The following GRIN2A variants were observed in gnomAD, a reference collection of about 807,000 sequenced individuals.
GRIN2A encodes the protein glutamate ionotropic receptor NMDA type subunit 2A.
In GRIN2A, 22 loss-of-function variants were observed where a neutral mutation model predicts 113.4. The ratio of observed to expected loss-of-function variants is 0.19; its 90% confidence interval spans 0.14 to 0.28. The LOEUF (loss-of-function observed/expected upper bound fraction) is 0.28. Among genes scored for constraint, GRIN2A ranks in the 10% least tolerant of loss-of-function variants. The pLI is 1.00. For synonymous variants in GRIN2A, 827 were observed against 738.4 expected (o/e 1.12, Z -1.94); for missense variants, 1,502 against 1,887.0 (o/e 0.80, Z 3.78).
chr16:9,867,766 C>T (rs79810256), intron 4 of GRIN2A, among the ~76,000 whole-genome samples: 6,914 of 152,186 alleles, frequency 0.045, 207 homozygotes, highest in African/African-American at 0.088. Context: ...CAAGCTTCTC[C>T]TTCTCTGAAC....
chr16:9,809,871 C>G (rs1211064818), intron 10 of GRIN2A, among the ~76,000 whole-genome samples: 1 of 152,124 alleles, frequency 6.6e-6, no homozygotes, highest in East Asian at 1.9e-4. Flanking sequence ...AGTTCGAGAC[C>G]AGTCTGGCCA....
At chr16:9,903,823 T>G (rs184805648) in intron 3 of GRIN2A, among the ~76,000 whole-genome samples, 2 of 152,348 alleles carry the variant, frequency 1.3e-5, no homozygotes, top group South Asian at 2.1e-4. Context: ...GAAGACCCTT[T>G]ACTACCATTT....
intron 2 of GRIN2A, among the ~76,000 whole-genome samples, chr16:10,009,618 C>G (rs1477105978): frequency 5.9e-5 from 9 of 152,252 alleles, no homozygotes; most frequent in Middle Eastern, 6.8e-3. Flanking sequence ...CTGAGCTCAC[C>G]TGGGCACCCA....
chr16:9,983,345 G>A (rs72772175), intron 2 of GRIN2A, among the ~76,000 whole-genome samples: 14,323 of 152,048 alleles, frequency 0.094, 805 homozygotes, highest in African/African-American at 0.11. Context: ...GTGAAAACAC[G>A]TGATATTTGG....
chr16:9,976,281 G>A (rs2045772018), intron 2 of GRIN2A, among the ~76,000 whole-genome samples: 1 of 152,108 alleles, frequency 6.6e-6, no homozygotes. Flanking sequence ...TTTAACTGGG[G>A]CTGTGTACCA....
At chr16:9,984,743 A>G (rs2045950144) in intron 2 of GRIN2A, among the ~76,000 whole-genome samples, 1 of 152,096 alleles carries the variant, frequency 6.6e-6, no homozygotes, top group Admixed American at 6.5e-5. Context: ...ACCACATGGG[A>G]TTTATAGTTG....
chr16:9,848,767 C>T (rs559398002), intron 5 of GRIN2A, among the ~76,000 whole-genome samples: 8 of 110,228 alleles, frequency 7.3e-5, no homozygotes, highest in African/African-American at 2.8e-4. Context: ...ATATAAAATA[C>T]ACTGTTTTAT....
intron 3 of GRIN2A, among the ~76,000 whole-genome samples, chr16:9,895,932 A>G (rs2043796495): frequency 6.6e-6 from 1 of 152,186 alleles, no homozygotes; most frequent in African/African-American, 2.4e-5. Flanking sequence ...GGAAATATCC[A>G]GTTTGTTATC....
At chr16:9,812,366 C>T (rs774500354) in intron 10 of GRIN2A, among the ~76,000 whole-genome samples, 19 of 152,282 alleles carry the variant, frequency 1.2e-4, no homozygotes, top group Admixed American at 5.2e-4. Context: ...AAGCCGGTCA[C>T]GGTAACTCAC....
chr16:10,145,004 AAAAAAAG>A (rs2049409756), intron 2 of GRIN2A, among the ~76,000 whole-genome samples: 1 of 151,944 alleles, frequency 6.6e-6, no homozygotes, highest in African/African-American at 2.4e-5. Flanking sequence ...CAACCTAAAA[AAAAAAAG>A]AAAAAAAAGT....
chr16:9,907,742 A>C (rs900739640), intron 3 of GRIN2A, among the ~76,000 whole-genome samples: 1 of 152,222 alleles, frequency 6.6e-6, no homozygotes, highest in African/African-American at 2.4e-5. Context: ...AAAACTGAGC[A>C]GAGAGTCCAC....
chr16:9,758,730 G>A lies in GRIN2A; in HGVS notation c.*4419C>T. On this transcript the variant is annotated 3_prime_UTR_variant, in exon 13 of 13. Transcript: ENST00000330684. Reference sequence around the variant, plus strand: ...GACCTCATCTGATACAATTAGATATGAACACAGTACAATGTATAGGGATTG... The same window carrying A: ...GACCTCATCTGATACAATTAGATATAAACACAGTACAATGTATAGGGATTG... The A allele has an allele frequency of 4.6e-6, 1 of 215,234 alleles. No homozygotes were observed. Among genetic ancestry groups the A allele is most frequent in the Non-Finnish European group, 9.4e-6 (1 of 106,620 alleles). The allele number at this position is 215,234 out of a possible 1,614,324, so 13.3% of individuals were successfully genotyped here. A position where few individuals can be genotyped will look rare whatever the true frequency, so the allele number is the denominator to read the frequency against.
rs1900323358 is a variant in GRIN2A at position 9,755,704 on chromosome 16, G to A, written c.*7445C>T. ...AAAGGCAGTGTGTGCTCAGGGGCAT[G>A]CCTGCAGGATATGTTAAACATTAGG... On this transcript the variant is annotated 3_prime_UTR_variant, in exon 13 of 13. Transcript: ENST00000330684. The A allele has an allele frequency of 9.6e-6, 2 of 208,498 alleles. No homozygotes were observed. The highest frequency in any genetic ancestry group is 2.3e-5 in the African/African-American group (1 of 43,984). 12.9% of individuals were successfully genotyped at this position (208,498 alleles called of 1,614,324 possible). A position where few individuals can be genotyped will look rare whatever the true frequency, so the allele number is the denominator to read the frequency against.
Position 10,114,840 on chromosome 16 carries a change from C to T in GRIN2A, c.414+65158G>A, listed in dbSNP as rs181219813. Reference sequence around the variant, plus strand: ...ATTTAATGGGGCAAAGTCACGCCCCCGATGTGCCAGGTCTGCATGCTGTTT... The same window carrying T: ...ATTTAATGGGGCAAAGTCACGCCCCTGATGTGCCAGGTCTGCATGCTGTTT... On this transcript the variant is annotated intron_variant, in intron 2 of 12. Coordinates refer to ENST00000330684, the MANE Select transcript of GRIN2A (RefSeq NM_001134407.3). 8.5e-5 allele frequency among the ~76,000 whole-genome samples: 13 copies of T among 152,320 alleles called. No homozygotes were observed. In the East Asian group the frequency reaches 2.1e-3, roughly 25 times the overall value.
intron 4 of GRIN2A, among the ~76,000 whole-genome samples, chr16:9,858,067 G>C (rs1340002880): frequency 2.6e-5 from 4 of 152,118 alleles, no homozygotes; most frequent in African/African-American, 9.7e-5. Flanking sequence ...CCTTTATTTG[G>C]CAAATCAGTA....
chr16:10,057,409 C>T (rs555933422), intron 2 of GRIN2A, among the ~76,000 whole-genome samples: 3 of 152,214 alleles, frequency 2.0e-5, no homozygotes, highest in African/African-American at 4.8e-5. Context: ...GGGGCCTCCA[C>T]TAGATGAGGA....
chr16:10,141,283 G>A (rs1035788778), intron 2 of GRIN2A, among the ~76,000 whole-genome samples: 2 of 151,760 alleles, frequency 1.3e-5, no homozygotes, highest in Non-Finnish European at 2.9e-5. Flanking sequence ...GAGGTCAGGA[G>A]TTCGAGACCA....
chr16:9,956,800 A>G (rs2045321917), intron 2 of GRIN2A, among the ~76,000 whole-genome samples: 1 of 152,202 alleles, frequency 6.6e-6, no homozygotes. Flanking sequence ...GAGATGCTGG[A>G]GTAGGGGTTA....
chr16:9,955,985 G>A (rs1404374252), intron 2 of GRIN2A, among the ~76,000 whole-genome samples: 1 of 152,166 alleles, frequency 6.6e-6, no homozygotes, highest in African/African-American at 2.4e-5. Flanking sequence ...CCTATCATTG[G>A]TTCCATCACC....
Sources: allele counts gnomAD v4.1 joint callset (sites outside exome capture counted in the v4.1 genomes callset), GRCh38; gene constraint gnomAD v4.1.1; transcripts MANE v1.5; gene names NCBI Gene and HGNC (gene_info 2026-07-23, HGNC 2026-07-21).